The following BICD2 variants were observed in gnomAD, a reference collection of about 807,000 sequenced individuals.
BICD2 encodes the protein BICD cargo adaptor 2.
A neutral mutation model predicts 72.9 loss-of-function variants in BICD2; 25 were observed. The observed-to-expected ratio is 0.34, with a 90% CI of 0.25 to 0.48. BICD2 has a LOEUF of 0.48. Ranked by LOEUF, BICD2 falls within the 20% of genes least tolerant of loss-of-function variation. The probability of loss-of-function intolerance (pLI) is 0.99; values close to 1 mark genes in which losing one functional copy is unlikely to be tolerated. For synonymous variants in BICD2, 501 were observed against 516.1 expected, an observed-to-expected ratio of 0.97 and a Z score of 0.40; for missense variants, 894 against 1,175.2, an observed-to-expected ratio of 0.76 and a Z score of 3.50.
chr9:92,746,373 C>CA (rs977337634), intron 1 of BICD2, among the ~76,000 whole-genome samples: 1 of 151,746 alleles, frequency 6.6e-6, no homozygotes, highest in Admixed American at 6.6e-5. Context: ...CTCTACTAAA[C>CA]AATAAAAAAT....
chr9:92,757,272 C>G (rs994782947), intron 1 of BICD2, among the ~76,000 whole-genome samples: 1 of 143,636 alleles, frequency 7.0e-6, no homozygotes, highest in Non-Finnish European at 1.5e-5. Flanking sequence ...CAAGATCACG[C>G]CACTGCACTC....
intron 1 of BICD2, among the ~76,000 whole-genome samples, chr9:92,753,399 C>T (rs1854189302): frequency 6.6e-6 from 1 of 152,132 alleles, no homozygotes; most frequent in African/African-American, 2.4e-5. Flanking sequence ...CACTAATGTA[C>T]AATGTTATAA....
In BICD2 at chr9:92,717,969, G is replaced by A. The variant is rs79574551; in HGVS notation, c.2107-21C>T. The A allele has an allele frequency of 0.044, 70,087 of 1,608,576 alleles. 1,829 individuals are homozygous for A. The highest frequency in any genetic ancestry group is 0.09 in the South Asian group (8,148 of 90,574). ...GCCGTCTGGGGGACAGATGTGTAGG[G>A]TGGAAAAGTGAAAGGCGTGAAGTCA... On this transcript the variant is annotated intron_variant, in intron 5 of 6. Transcript: ENST00000356884.
At position 92,715,136 on chromosome 9, in the gene BICD2, T is replaced by TGCGGCGC; in HGVS notation, c.*11_*17dup. 2 of 1,554,514 alleles carry TGCGGCGC rather than the reference T, an allele frequency of 1.3e-6. No homozygotes were observed. Among genetic ancestry groups the TGCGGCGC allele is most frequent in the Non-Finnish European group, 1.7e-6 (2 of 1,146,296 alleles). On this transcript the variant is annotated 3_prime_UTR_variant, in exon 7 of 7. Coordinates refer to ENST00000356884, the MANE Select transcript of BICD2 (RefSeq NM_001003800.2). ...GGTGAAGCAGATGTTAGCTGCAGCG[T>TGCGGCGC]GCGGCGCCCCACAGCCCCTAATCAC...
At position 92,729,007 on chromosome 9, in the gene BICD2, C is replaced by A; in HGVS notation, c.453+17G>T. 6.2e-7 allele frequency: 1 copy of A among 1,612,146 alleles called. No homozygotes were observed. Among genetic ancestry groups the A allele is most frequent in the East Asian group, 2.2e-5 (1 of 44,824 alleles). On this transcript the variant is annotated intron_variant, in intron 2 of 6. Transcript: ENST00000356884. ...CACTGCTGCAGCCACAGACTAGGCC[C>A]CTCCTCACCCCCTCACCTCCTTCAG...
At chr9:92,759,525 C>G (rs1330893071) in intron 1 of BICD2, among the ~76,000 whole-genome samples, 1 of 152,202 alleles carries the variant, frequency 6.6e-6, no homozygotes, top group African/African-American at 2.4e-5. Context: ...GTCCCCATCT[C>G]TCCATCCACC....
At chr9:92,760,976 C>G (rs1349315526) in intron 1 of BICD2, among the ~76,000 whole-genome samples, 1 of 152,254 alleles carries the variant, frequency 6.6e-6, no homozygotes, top group East Asian at 1.9e-4. Flanking sequence ...AGTAACTCTG[C>G]AGAGGAACCT....
At chr9:92,737,425 C>T (rs373241716) in intron 1 of BICD2, among the ~76,000 whole-genome samples, 1 of 152,164 alleles carries the variant, frequency 6.6e-6, no homozygotes, top group East Asian at 1.9e-4. Flanking sequence ...ATATCTCTGA[C>T]TCAGGATGTG....
Position 92,720,549 on chromosome 9 carries a change from G to A in BICD2, c.813C>T (p.Phe271=), listed in dbSNP as rs150389188. The A allele has an allele frequency of 1.4e-4, 223 of 1,614,218 alleles. 1 individual carries two copies. The African/African-American group carries it at 2.7e-3, about 19-fold the overall frequency. ...GCGAGACATGCAGGTGGCTGGTGTA[G>A]AAGGAGTCATTGATGCTCATGTAGT... ...LSHYMSINDS[F]YTSHLHVSLD... The change falls in exon 4 of 7, where the codon TTC becomes TTT. Residue 271 remains phenylalanine (F), a synonymous_variant. Transcript: ENST00000356884. The surrounding 1 kb of genome is among the most constrained non-coding windows in gnomAD (Gnocchi z 5.4).
intron 3 of BICD2, 30 bp downstream of exon 3, chr9:92,722,626 C>T: frequency 6.2e-7 from 1 of 1,613,124 alleles, no homozygotes; most frequent in Non-Finnish European, 8.5e-7. Flanking sequence ...AACCCACGTG[C>T]CACCTCCACC....
chr9:92,747,204 G>A (rs561306051), intron 1 of BICD2, among the ~76,000 whole-genome samples: 173 of 152,230 alleles, frequency 1.1e-3, no homozygotes, highest in African/African-American at 3.9e-3. Flanking sequence ...GTATGTCACC[G>A]GGGGCCAAGA....
At chr9:92,735,511 G>A (rs760296630) in intron 1 of BICD2, among the ~76,000 whole-genome samples, 5 of 151,900 alleles carry the variant, frequency 3.3e-5, no homozygotes, top group Non-Finnish European at 4.4e-5. Flanking sequence ...GGGACTCTCT[G>A]TGAAGCATTA....
intron 1 of BICD2, among the ~76,000 whole-genome samples, chr9:92,756,593 C>T (rs1854262741): frequency 6.7e-6 from 1 of 148,972 alleles, no homozygotes. Context: ...AAAAGAGAGG[C>T]CAGGCACAGT....
intron 6 of BICD2, among the ~76,000 whole-genome samples, chr9:92,717,470 G>A (rs1853341319): frequency 2.0e-5 from 3 of 152,262 alleles, no homozygotes. Context: ...GTGGGCACCT[G>A]CCAGGCATGC....
At chr9:92,757,972 G>A (rs1447192861) in intron 1 of BICD2, among the ~76,000 whole-genome samples, 1 of 152,142 alleles carries the variant, frequency 6.6e-6, no homozygotes, top group Non-Finnish European at 1.5e-5. Flanking sequence ...GGGAGGCTGA[G>A]GCGAGTGGAT....
chr9:92,724,845 A>G (rs1853533942), intron 2 of BICD2, among the ~76,000 whole-genome samples: 1 of 152,186 alleles, frequency 6.6e-6, no homozygotes. Context: ...TCTGCCAGAA[A>G]GGTTTGCCCA....
At chr9:92,753,184 C>T (rs1854185466) in intron 1 of BICD2, among the ~76,000 whole-genome samples, 1 of 152,218 alleles carries the variant, frequency 6.6e-6, no homozygotes, top group Non-Finnish European at 1.5e-5. Context: ...TTCTTGAAAA[C>T]TGTCAAGGTC....
At chr9:92,730,255 G>A (rs1205334289) in intron 1 of BICD2, among the ~76,000 whole-genome samples, 1 of 152,182 alleles carries the variant, frequency 6.6e-6, no homozygotes, top group Non-Finnish European at 1.5e-5. Context: ...CCTGGCTCAT[G>A]GCAGAAAACA....
chr9:92,722,957 G>A (rs1355187947), intron 2 of BICD2, 149 bp from the exon 3 acceptor site: 3 of 962,218 alleles, frequency 3.1e-6, no homozygotes, highest in African/African-American at 3.2e-5. Flanking sequence ...GGAGAGGAGA[G>A]GGAGCCCAGA....
Sources: gnomAD v4.1 joint callset for allele counts (sites outside exome capture counted in the v4.1 genomes callset) on GRCh38, gnomAD v4.1.1 for gene constraint, Gnocchi (gnomAD v3.1) non-coding constraint, MANE v1.5 for transcripts, NCBI Gene and HGNC (gene_info 2026-07-23, HGNC 2026-07-21) for gene names.